The following DLG2 variants were observed in gnomAD, a reference collection of about 807,000 sequenced individuals.
DLG2 encodes the protein discs large MAGUK scaffold protein 2.
A neutral mutation model predicts 132.5 loss-of-function variants in DLG2; 45 were observed. The ratio of observed to expected loss-of-function variants is 0.34; its 90% CI spans 0.27 to 0.44. DLG2 has a LOEUF of 0.44. DLG2 is among the 20% of genes least tolerant of loss of function. DLG2 has a pLI of 1.00. For missense variants in DLG2, 1,045 were observed against 1,196.9 expected (o/e 0.87, Z 1.87); for synonymous variants, 424 against 419.6 (o/e 1.01, Z -0.13).
intron 6 of DLG2, among the ~76,000 whole-genome samples, chr11:84,970,916 C>T (rs1159237906): frequency 6.6e-6 from 1 of 152,116 alleles, no homozygotes; most frequent in East Asian, 1.9e-4. Context: ...GAGGAGTCTA[C>T]CAACTCTGCC....
intron 7 of DLG2, among the ~76,000 whole-genome samples, chr11:84,476,042 C>T (rs2099120783): frequency 6.6e-6 from 1 of 152,122 alleles, no homozygotes; most frequent in South Asian, 2.1e-4. Context: ...ATTCTTTATG[C>T]ACCCTGTACT....
intron 12 of DLG2, among the ~76,000 whole-genome samples, chr11:83,967,599 T>A (rs1265688641): frequency 6.6e-6 from 1 of 152,206 alleles, no homozygotes; most frequent in African/African-American, 2.4e-5. Context: ...TTTCTACTCT[T>A]GAGTTGTATC....
intron 7 of DLG2, among the ~76,000 whole-genome samples, chr11:84,280,459 G>A (rs1302392623): frequency 1.3e-5 from 2 of 151,556 alleles, no homozygotes; most frequent in East Asian, 2.0e-4. Context: ...TGTAGTGACA[G>A]TGTTTTGCCA....
intron 10 of DLG2, among the ~76,000 whole-genome samples, chr11:84,088,123 T>C (rs972434183): frequency 2.0e-5 from 3 of 152,170 alleles, no homozygotes; most frequent in Admixed American, 2.0e-4. Flanking sequence ...GCACAAAGTT[T>C]TTAATTGACG....
At chr11:84,112,528 A>AT (rs1555352897) in intron 9 of DLG2, among the ~76,000 whole-genome samples, 4,675 of 143,016 alleles carry the variant, frequency 0.033, 218 homozygotes, top group African/African-American at 0.12. Flanking sequence ...AACCATGAGA[A>AT]TTTTTTTTTT....
intron 3 of DLG2, among the ~76,000 whole-genome samples, chr11:85,499,028 A>G (rs1158385709): frequency 1.3e-5 from 2 of 152,084 alleles, no homozygotes; most frequent in African/African-American, 4.8e-5. Flanking sequence ...AAAACATCAC[A>G]ATTAAAAGAA....
intron 3 of DLG2, among the ~76,000 whole-genome samples, chr11:85,312,195 CAT>C (rs1241707184): frequency 6.6e-6 from 1 of 151,856 alleles, no homozygotes; most frequent in Admixed American, 6.6e-5. Flanking sequence ...TAAGAAAAAA[CAT>C]TGTGTCTTAT....
At chr11:85,048,593 G>A (rs2062581806) in intron 6 of DLG2, among the ~76,000 whole-genome samples, 2 of 151,884 alleles carry the variant, frequency 1.3e-5, no homozygotes, top group South Asian at 2.1e-4. Flanking sequence ...CTATCAATTG[G>A]ACACTATCAA....
intron 7 of DLG2, among the ~76,000 whole-genome samples, chr11:84,391,267 T>C (rs1251590788): frequency 6.6e-6 from 1 of 152,090 alleles, no homozygotes; most frequent in African/African-American, 2.4e-5. Flanking sequence ...TGACAAAAAA[T>C]TAAAATGCAG....
intron 21 of DLG2, among the ~76,000 whole-genome samples, chr11:83,495,217 C>T (rs1188276189): frequency 2.0e-5 from 3 of 151,964 alleles, no homozygotes; most frequent in Non-Finnish European, 1.5e-5. Context: ...ATTACTTCGC[C>T]GTGGTAGATG....
At chr11:83,665,948 C>T (rs755254213) in intron 18 of DLG2, among the ~76,000 whole-genome samples, 6 of 152,206 alleles carry the variant, frequency 3.9e-5, no homozygotes, top group Non-Finnish European at 8.8e-5. Flanking sequence ...TCACATTCCA[C>T]GGGAATTTTT....
rs368528827 is a variant in DLG2, at chr11:84,857,580, TA to T, written c.357+254080del. On this transcript the variant is annotated intron_variant, in intron 6 of 27. Coordinates refer to ENST00000376104, the MANE Select transcript of DLG2 (RefSeq NM_001142699.3). ...GTGAAACATAAGCAAATGTTTTAAATATTTTTAGTAAGTGTACTTTTAACAC... is the reference window on the plus strand; with the variant it reads ...GTGAAACATAAGCAAATGTTTTAAATTTTTTAGTAAGTGTACTTTTAACAC... 5.3e-5 allele frequency among the ~76,000 whole-genome samples: 8 copies of T among 152,276 alleles called. No individual in the cohort carries two copies. The South Asian group carries it at 1.7e-3, about 32-fold the overall frequency.
chr11:84,543,517 C>T (rs1280865882), intron 6 of DLG2, among the ~76,000 whole-genome samples: 1 of 152,152 alleles, frequency 6.6e-6, no homozygotes, highest in Non-Finnish European at 1.5e-5. Flanking sequence ...CTCCACTGAA[C>T]TAACCGTCCC....
chr11:83,999,957 T>TA (rs58517221), intron 11 of DLG2, among the ~76,000 whole-genome samples: 1 of 148,846 alleles, frequency 6.7e-6, no homozygotes, highest in African/African-American at 2.5e-5. Flanking sequence ...CTGGAAACAT[T>TA]AAAAAAAAAA....
chr11:84,764,127 G>A (rs2068050740), intron 6 of DLG2, among the ~76,000 whole-genome samples: 1 of 152,098 alleles, frequency 6.6e-6, no homozygotes, highest in African/African-American at 2.4e-5. Flanking sequence ...TAGAGATACT[G>A]TGAGACAGTA....
intron 6 of DLG2, among the ~76,000 whole-genome samples, chr11:85,001,600 C>G (rs1219631013): frequency 6.6e-6 from 1 of 152,126 alleles, no homozygotes; most frequent in East Asian, 1.9e-4. Context: ...AACTGAAGAG[C>G]TTTTAAAAAT....
intron 18 of DLG2, among the ~76,000 whole-genome samples, chr11:83,742,865 A>C (rs929399531): frequency 1.3e-5 from 2 of 152,180 alleles, no homozygotes; most frequent in Non-Finnish European, 2.9e-5. Flanking sequence ...ATTAAATTTA[A>C]CATATAGTTA....
intron 6 of DLG2, among the ~76,000 whole-genome samples, chr11:84,823,458 C>G (rs867537500): frequency 2.6e-5 from 4 of 151,770 alleles, no homozygotes; most frequent in African/African-American, 9.7e-5. Context: ...ACTTGCTATT[C>G]CCTCTACTTT....
intron 9 of DLG2, among the ~76,000 whole-genome samples, chr11:84,099,670 T>C (rs1020170372): frequency 5.3e-5 from 8 of 151,250 alleles, no homozygotes; most frequent in Admixed American, 3.3e-4. Flanking sequence ...GAAATCTGAG[T>C]AGCTTCTATT....
Sources: allele counts gnomAD v4.1 joint callset (sites outside exome capture counted in the v4.1 genomes callset), GRCh38; gene constraint gnomAD v4.1.1; transcripts MANE v1.5; gene names NCBI Gene and HGNC (gene_info 2026-07-23, HGNC 2026-07-21).